SELP: variants seen among roughly 807,000 people sequenced by gnomAD.
SELP encodes the protein P-selectin.
Under a neutral mutation model 104.1 loss-of-function variants are expected in SELP, and 92 were observed. The observed-to-expected ratio is 0.88, with a 90% CI of 0.75 to 1.05. The LOEUF (loss-of-function observed/expected upper bound fraction) is 1.05. Among genes scored for constraint, SELP ranks in the 50% least tolerant of loss-of-function variants. The pLI is 0.00. For missense variants in SELP, 1,022 were observed against 1,017.3 expected (o/e 1.00, Z -0.06); for synonymous variants, 397 against 364.5 (o/e 1.09, Z -1.01).
Position 169,597,050 on chromosome 1 carries a change from G to A in SELP, c.1832C>T (p.Pro611Leu). Residue 611 changes from proline (P) to leucine (L), a missense_variant, in exon 11 of 17, where the codon CCC becomes CTC. Transcript: ENST00000263686. ...SCDNGFKLEG[P>L]NNVECTTSGR... ...AGAAGTTGTGCATTCCACATTATTG[G>A]GCCCCTCCAGCTTAAAGCCGTTGTC... The A allele has an allele frequency of 1.2e-6, 2 of 1,613,284 alleles. No homozygotes were observed. Among genetic ancestry groups the A allele is most frequent in the South Asian group, 2.2e-5 (2 of 91,032 alleles).
intron 1 of SELP, among the ~76,000 whole-genome samples, chr1:169,628,519 G>A (rs1663485882): frequency 6.6e-6 from 1 of 152,240 alleles, no homozygotes; most frequent in African/African-American, 2.4e-5. Flanking sequence ...AGGGTACCAA[G>A]AGAGGGGCTT....
chr1:169,592,087 A>C (rs1358621287), intron 14 of SELP, among the ~76,000 whole-genome samples: 8 of 152,224 alleles, frequency 5.3e-5, no homozygotes, highest in Non-Finnish European at 1.2e-4. Context: ...CATCAAGATT[A>C]GAGTGATTCC....
rs767257943 is a variant in SELP, at chr1:169,613,569, C to T, written c.589+17G>A. On this transcript the variant is annotated intron_variant, in intron 4 of 16. Coordinates refer to ENST00000263686, the MANE Select transcript of SELP (RefSeq NM_003005.4). ...TAGCATAAAACCAAAATAATATCAA[C>T]AAAAAGGAAGCCTCACCGTATTCAC... is the stretch of plus-strand genomic sequence containing the variant. 6.3e-7 allele frequency: 1 copy of T among 1,598,720 alleles called. No individual in the cohort carries two copies. The highest frequency in any genetic ancestry group is 8.6e-7 in the Non-Finnish European group (1 of 1,166,136).
At chr1:169,620,207 CA>C (rs1663028077) in intron 1 of SELP, among the ~76,000 whole-genome samples, 1 of 151,910 alleles carries the variant, frequency 6.6e-6, no homozygotes, top group Admixed American at 6.6e-5. Context: ...GACTCCGTCT[CA>C]AAAAAACAAC....
intron 10 of SELP, among the ~76,000 whole-genome samples, chr1:169,598,711 A>G (rs1661751900): frequency 1.3e-5 from 2 of 152,358 alleles, no homozygotes; most frequent in East Asian, 1.9e-4. Flanking sequence ...AAGAATATGT[A>G]TAATGTCAGC....
chr1:169,591,554 G>T, intron 14 of SELP, 98 bp from the exon 15 acceptor site: 1 of 792,626 alleles, frequency 1.3e-6, no homozygotes, highest in South Asian at 1.9e-5. Context: ...AAAACCAGTA[G>T]ACTGATTTTC....
At chr1:169,598,930 C>A (rs1467495877) in intron 10 of SELP, among the ~76,000 whole-genome samples, 1 of 152,052 alleles carries the variant, frequency 6.6e-6, no homozygotes, top group African/African-American at 2.4e-5. Context: ...CCGAAGGGGG[C>A]CCTAGTATAA....
chr1:169,602,116 T>G (rs563081155), intron 10 of SELP, among the ~76,000 whole-genome samples: 22 of 152,264 alleles, frequency 1.4e-4, no homozygotes, highest in Non-Finnish European at 2.6e-4. Flanking sequence ...TACCAAAGCT[T>G]GTGTTTGAGT....
intron 10 of SELP, among the ~76,000 whole-genome samples, chr1:169,599,337 G>C (rs775222172): frequency 3.4e-4 from 48 of 142,906 alleles, no homozygotes; most frequent in Non-Finnish European, 6.0e-4. Flanking sequence ...TCATATTCTT[G>C]AGCCTACTCT....
rs867409359 is a variant in SELP, at chr1:169,595,297, G to A, written c.2102-420C>T. Among the ~76,000 whole-genome samples, 3 of 152,308 alleles carry A rather than the reference G, an allele frequency of 2.0e-5. No homozygotes were observed. The South Asian group carries it at 6.2e-4, about 32-fold the overall frequency. On this transcript the variant is annotated intron_variant, in intron 12 of 16. Transcript: ENST00000263686. ...ATATCTGGACACTGGAAGTTTGAAA[G>A]AAGTAGACTGTCATCCTCCTTAAAC...
chr1:169,601,110 C>CCTTAAAATATTGGGAAATATTTTAAA (rs1661890163), intron 10 of SELP, among the ~76,000 whole-genome samples: 1 of 152,018 alleles, frequency 6.6e-6, no homozygotes, highest in Non-Finnish European at 1.5e-5. Flanking sequence ...TATTCTTTAG[C>CCTTAAAATATTGGGAAATATTTTAAA]CTTAAAATGT....
In SELP at chr1:169,613,650, G is replaced by C. The variant is rs1213349066; in HGVS notation, c.525C>G (p.Leu175=). The change falls in exon 4 of 17, where the codon CTC becomes CTG. Residue 175 remains leucine, a synonymous_variant. Transcript: ENST00000263686. ...AGCAGGTGTAGTTCCCGATGGTCTC[G>C]AGGCACTCTCCTTGTTTGCTGCAGG... ...DMSCSKQGEC[L]ETIGNYTCSC... is the part of the protein sequence containing the mutation. 6.2e-7 allele frequency: 1 copy of C among 1,613,612 alleles called. No individual in the cohort carries two copies. Among genetic ancestry groups the C allele is most frequent in the Admixed American group, 1.7e-5 (1 of 59,972 alleles).
At chr1:169,596,660 T>A (rs566331571) in intron 11 of SELP, among the ~76,000 whole-genome samples, 1 of 152,230 alleles carries the variant, frequency 6.6e-6, no homozygotes, top group African/African-American at 2.4e-5. Context: ...ATTCCTAGAT[T>A]TGAAAAACTG....
At position 169,617,190 on chromosome 1, in the gene SELP, T is replaced by A. The variant is rs762632792; in HGVS notation, c.319A>T (p.Lys107Ter). 7 of 1,614,238 alleles carry A rather than the reference T, an allele frequency of 4.3e-6. No homozygotes were observed. Among genetic ancestry groups the A allele is most frequent in the Non-Finnish European group, 5.9e-6 (7 of 1,180,048 alleles). Residue 107 changes from lysine to a stop codon, truncating the protein, a stop_gained, in exon 3 of 17, where the codon AAA becomes TAA. Transcript: ENST00000263686. LOFTEE classifies it high-confidence loss of function. ...TCAGCCTCGTTGGTGAGAGCCTTTTTGGTTCCCACCCATGTCCATGTCTTA... is the reference window on the plus strand; with the variant it reads ...TCAGCCTCGTTGGTGAGAGCCTTTTAGGTTCCCACCCATGTCCATGTCTTA... The part of the protein sequence containing the change: ...NNKTWTWVGT[K>*]KALTNEAENW...
At chr1:169,596,433 C>T (rs546860684) in intron 11 of SELP, among the ~76,000 whole-genome samples, 1 of 152,184 alleles carries the variant, frequency 6.6e-6, no homozygotes, top group Non-Finnish European at 1.5e-5. Context: ...ATAAGAAATT[C>T]AGCAGAAAGC....
At chr1:169,599,024 A>G (rs1030757629) in intron 10 of SELP, among the ~76,000 whole-genome samples, 5 of 152,202 alleles carry the variant, frequency 3.3e-5, no homozygotes, top group Admixed American at 2.0e-4. Context: ...CCAAGGTTAC[A>G]TATCCAGACT....
chr1:169,615,558 G>A (rs991327371), intron 3 of SELP, among the ~76,000 whole-genome samples: 1 of 152,196 alleles, frequency 6.6e-6, no homozygotes, highest in African/African-American at 2.4e-5. Context: ...ACAGCTAGTG[G>A]CAGTCAAGGT....
chr1:169,591,332 G>A (rs964920250), intron 15 of SELP, 94 bp downstream of exon 15: 3 of 742,628 alleles, frequency 4.0e-6, no homozygotes, highest in Non-Finnish European at 6.8e-6. Flanking sequence ...GTAAAAAGGA[G>A]GCAGGCATTG....
intron 1 of SELP, among the ~76,000 whole-genome samples, chr1:169,619,449 A>G (rs959161740): frequency 2.0e-5 from 3 of 152,184 alleles, no homozygotes; most frequent in Non-Finnish European, 4.4e-5. Flanking sequence ...CATTCATTCA[A>G]CAAATGTTTA....
Sources: allele counts gnomAD v4.1 joint callset (sites outside exome capture counted in the v4.1 genomes callset), GRCh38; gene constraint gnomAD v4.1.1; transcripts MANE v1.5; gene names NCBI Gene and HGNC (gene_info 2026-07-23, HGNC 2026-07-21).